Variants in CARHSP1 observed in about 807,000 individuals in gnomAD.
CARHSP1 encodes calcium-regulated heat-stable protein 1.
Under a neutral mutation model 12.5 loss-of-function variants are expected in CARHSP1, and 14 were observed. That is an observed-to-expected ratio of 1.12 (90% CI 0.74 to 1.75). The LOEUF (loss-of-function observed/expected upper bound fraction) is 1.75, where lower values mean the gene tolerates loss of function less well. Ranked by LOEUF, CARHSP1 falls within the 40% of genes most tolerant of loss-of-function variation. The pLI, the probability that CARHSP1 is intolerant of heterozygous loss-of-function variation, is 0.00. For missense variants in CARHSP1, 343 were observed against 201.6 expected (o/e 1.70, Z -4.25); for synonymous variants, 161 against 82.0 (o/e 1.96, Z -5.20).
At chr16:8,863,230 G>A (rs1053086483) in intron 1 of CARHSP1, among the ~76,000 whole-genome samples, 4 of 142,646 alleles carry the variant, frequency 2.8e-5, no homozygotes, top group African/African-American at 5.2e-5. Flanking sequence ...CAGGTGATCC[G>A]CCCACCCCAG....
At chr16:8,855,364 G>A (rs371458436) in intron 3 of CARHSP1, 38 bp from the exon 4 acceptor site, 43 of 1,446,882 alleles carry the variant, frequency 3.0e-5, no homozygotes, top group Middle Eastern at 3.7e-4. Flanking sequence ...GGCTCACACC[G>A]GGACACAGCT....
chr16:8,858,878 C>T (rs1184626166), intron 2 of CARHSP1: 2 of 413,708 alleles, frequency 4.8e-6, no homozygotes, highest in Non-Finnish European at 4.3e-6. Context: ...GCAGAATTCA[C>T]AGTCTCACAG....
intron 1 of CARHSP1, among the ~76,000 whole-genome samples, chr16:8,864,668 A>G (rs1268690225): frequency 6.6e-6 from 1 of 151,912 alleles, no homozygotes; most frequent in Non-Finnish European, 1.5e-5. Flanking sequence ...CTGGCCATGC[A>G]CCCCCTTCCC....
intron 3 of CARHSP1, 38 bp from the exon 4 acceptor site, chr16:8,855,364 G>T (rs371458436): frequency 6.9e-7 from 1 of 1,446,998 alleles, no homozygotes; most frequent in Non-Finnish European, 9.2e-7. Context: ...GGCTCACACC[G>T]GGACACAGCT....
At chr16:8,856,025 T>C (rs544721546) in intron 3 of CARHSP1, among the ~76,000 whole-genome samples, 1 of 152,306 alleles carries the variant, frequency 6.6e-6, no homozygotes, top group Non-Finnish European at 1.5e-5. Context: ...GCCAGGCTGG[T>C]CTCAAACTCC....
intron 2 of CARHSP1, 82 bp from the exon 3 acceptor site, chr16:8,858,554 T>G (rs2061231731): frequency 8.4e-6 from 13 of 1,544,710 alleles, no homozygotes; most frequent in Non-Finnish European, 1.1e-5. Flanking sequence ...CCCACAGCTG[T>G]GCCCCATCAA....
rs2061227176 is a variant in CARHSP1 at position 8,858,474 on chromosome 16, TGACA to T, written c.159-6_159-3del. 3 of 1,613,274 alleles carry T rather than the reference TGACA, an allele frequency of 1.9e-6. No individual in the cohort carries two copies. Among genetic ancestry groups the T allele is most frequent in the Non-Finnish European group, 1.7e-6 (2 of 1,179,916 alleles). On this transcript the variant is annotated splice_region_variant and splice_polypyrimidine_tract_variant and intron_variant, in intron 2 of 3. Transcript: ENST00000311052. ...GGGCCCTGTGAAGCCCGCACCGTCCTGACAGAGAGGGGGAAATGTCAGGGGCCCC... is the reference window on the plus strand; with the variant it reads ...GGGCCCTGTGAAGCCCGCACCGTCCTGAGAGGGGGAAATGTCAGGGGCCCC...
chr16:8,861,003 TCACAC>T (rs2061335026), intron 1 of CARHSP1, among the ~76,000 whole-genome samples: 1 of 147,274 alleles, frequency 6.8e-6, no homozygotes, highest in Non-Finnish European at 1.5e-5. Flanking sequence ...TGAGCCGAGA[TCACAC>T]CACAGCACTC....
rs2061016459 is a variant in CARHSP1 at position 8,853,948 on chromosome 16, T to G, written c.*1216A>C. On this transcript the variant is annotated 3_prime_UTR_variant, in exon 4 of 4. Coordinates refer to ENST00000311052, the MANE Select transcript of CARHSP1 (RefSeq NM_014316.4). ...TAAAAATACAAAAATTAACCGGGTGTGGTGGCGCATGCCTGTAATCCCAGC... is the reference window on the plus strand; with the variant it reads ...TAAAAATACAAAAATTAACCGGGTGGGGTGGCGCATGCCTGTAATCCCAGC... 1 of 152,210 alleles carries G rather than the reference T, an allele frequency of 6.6e-6. No individual in the cohort carries two copies. The highest frequency in any genetic ancestry group is 2.4e-5 in the African/African-American group (1 of 41,438). 9.4% of individuals were successfully genotyped at this position (152,210 alleles called of 1,614,324 possible). A position where few individuals can be genotyped will look rare whatever the true frequency, so the allele number is the denominator to read the frequency against.
In CARHSP1 at chr16:8,855,290, C is replaced by T. The variant is rs1483616726; in HGVS notation, c.318G>A (p.Glu106=). The change falls in exon 4 of 4, where the codon GAG becomes GAA. Residue 106 remains glutamate, a synonymous_variant. Coordinates refer to ENST00000311052, the MANE Select transcript of CARHSP1 (RefSeq NM_014316.4). ...GGATGGAGCACATTTTATAGGTGAC[C>T]TCGTCGCCTTCCACTGGGACATACT... ...EGEYVPVEGD[E]VTYKMCSIPP... 6.2e-7 allele frequency: 1 copy of T among 1,610,014 alleles called. No homozygotes were observed. Among genetic ancestry groups the T allele is most frequent in the Non-Finnish European group, 8.5e-7 (1 of 1,177,520 alleles).
intron 1 of CARHSP1, among the ~76,000 whole-genome samples, chr16:8,866,801 TA>T (rs1282999385): frequency 6.6e-6 from 1 of 152,014 alleles, no homozygotes; most frequent in African/African-American, 2.4e-5. Flanking sequence ...CTCCGCTGGC[TA>T]AGGACCTGAA....
Position 8,857,264 on chromosome 16 carries a change from T to TTTTTTGTTTTTTGTTTTTTG in CARHSP1, c.281+1085_281+1086insCAAAAAACAAAAAACAAAAA, listed in dbSNP as rs1491522629. On this transcript the variant is annotated intron_variant, in intron 3 of 3. Coordinates refer to ENST00000311052, the MANE Select transcript of CARHSP1 (RefSeq NM_014316.4). ...GGCTATGTGATCTTGGGCAGATCTG[T>TTTTTTGTTTTTTGTTTTTTG]TTTTTTTTTTTTTTTTTTTTTTTTT... 4.9e-3 allele frequency among the ~76,000 whole-genome samples: 47 copies of TTTTTTGTTTTTTGTTTTTTG among 9,678 alleles called. 4 individuals carry two copies. The highest frequency in any genetic ancestry group is 9.3e-3 in the South Asian group (2 of 214). 6.3% of individuals were successfully genotyped at this position (9,678 alleles called of 152,430 possible).
intron 1 of CARHSP1, among the ~76,000 whole-genome samples, chr16:8,865,158 G>C (rs2061433027): frequency 6.6e-6 from 1 of 152,132 alleles, no homozygotes; most frequent in African/African-American, 2.4e-5. Flanking sequence ...GCCCAGGATG[G>C]AGTGCAGTGG....
intron 1 of CARHSP1, among the ~76,000 whole-genome samples, chr16:8,862,184 CT>C (rs1436550421): frequency 6.6e-6 from 1 of 151,748 alleles, no homozygotes; most frequent in African/African-American, 2.4e-5. Context: ...GCATAGCTGA[CT>C]TCTAATCCTA....
chr16:8,858,857 A>G, intron 2 of CARHSP1: 1 of 402,264 alleles, frequency 2.5e-6, no homozygotes, highest in Non-Finnish European at 4.5e-6. Flanking sequence ...TGCTGTGCCC[A>G]TTTTGCAGCT....
At position 8,858,771 on chromosome 16, in the gene CARHSP1, T is replaced by G. The variant is rs1203484500; in HGVS notation, c.159-299A>C. ...CCAGAAACTAATGATTTACTATTAA[T>G]AACACAAGCATCCTCCACTCGCAAG... is the stretch of plus-strand genomic sequence containing the variant. On this transcript the variant is annotated intron_variant, in intron 2 of 3. Coordinates refer to ENST00000311052, the MANE Select transcript of CARHSP1 (RefSeq NM_014316.4). 1.3e-5 allele frequency: 6 copies of G among 451,456 alleles called. No homozygotes were observed. The East Asian group carries it at 2.2e-4, about 17-fold the overall frequency. The allele number at this position is 451,456 out of a possible 1,614,324, so 28.0% of individuals were successfully genotyped here.
chr16:8,862,415 C>T (rs2061382752), intron 1 of CARHSP1, among the ~76,000 whole-genome samples: 1 of 152,154 alleles, frequency 6.6e-6, no homozygotes, highest in Non-Finnish European at 1.5e-5. Flanking sequence ...CATAAAGGCA[C>T]TCAACAGACA....
intron 3 of CARHSP1, chr16:8,858,126 G>T: frequency 1.7e-6 from 1 of 572,570 alleles, no homozygotes; most frequent in Non-Finnish European, 3.1e-6. Context: ...GTACCGTGTC[G>T]CCCCCAGCCT....
At position 8,859,249 on chromosome 16, in the gene CARHSP1, C is replaced by A; in HGVS notation, c.80G>T (p.Arg27Leu). ...SVGLLDTPRSRERSPSPLRGN... is the reference protein window; with the variant it reads ...SVGLLDTPRSLERSPSPLRGN... ...CCGCAGAGGGGATGGTGAGCGCTCA[C>A]GGCTCCGAGGGGTGTCCAGCAGCCC... The change falls in exon 2 of 4, where the codon CGT becomes CTT. Residue 27 changes from arginine (R) to leucine (L), a missense_variant. Coordinates refer to ENST00000311052, the MANE Select transcript of CARHSP1 (RefSeq NM_014316.4). 1 of 1,599,750 alleles carries A rather than the reference C, an allele frequency of 6.3e-7. No individual in the cohort carries two copies. Among genetic ancestry groups the A allele is most frequent in the Non-Finnish European group, 8.5e-7 (1 of 1,176,098 alleles).
Sources: allele counts gnomAD v4.1 joint callset (sites outside exome capture counted in the v4.1 genomes callset), GRCh38; gene constraint gnomAD v4.1.1; transcripts MANE v1.5; gene names NCBI Gene and HGNC (gene_info 2026-07-23, HGNC 2026-07-21).